PTK7: variants seen among roughly 807,000 people sequenced by gnomAD.
PTK7 encodes protein tyrosine kinase 7 (inactive), also known as inactive tyrosine-protein kinase 7.
PTK7 carries 39 observed loss-of-function variants against 116.6 expected under a neutral mutation model. The observed-to-expected ratio is 0.33, with a 90% CI of 0.26 to 0.44. The LOEUF is 0.44. PTK7 is among the 20% of genes least tolerant of loss of function. The pLI is 1.00. For synonymous variants in PTK7, 546 were observed against 563.6 expected (o/e 0.97, Z 0.44); for missense variants, 1,169 against 1,425.6 (o/e 0.82, Z 2.90).
chr6:43,081,415 G>A (rs974708829), intron 1 of PTK7, among the ~76,000 whole-genome samples: 66 of 151,568 alleles, frequency 4.4e-4, no homozygotes, highest in African/African-American at 1.5e-3. Context: ...GTTTGTTTTT[G>A]TTTTTTTTGA....
At chr6:43,123,717 A>C (rs1769104506) in intron 1 of PTK7, among the ~76,000 whole-genome samples, 1 of 152,168 alleles carries the variant, frequency 6.6e-6, no homozygotes, top group East Asian at 1.9e-4. Context: ...GGGTGTTTGC[A>C]GCTCCGGCTT....
At chr6:43,084,816 A>C (rs1006836776) in intron 1 of PTK7, among the ~76,000 whole-genome samples, 8 of 152,194 alleles carry the variant, frequency 5.3e-5, no homozygotes, top group Non-Finnish European at 8.8e-5. Context: ...AGAGGAGAGA[A>C]GACCCTACAT....
Position 43,160,129 on chromosome 6 carries a change from C to G in PTK7, c.3052+163C>G. The G allele has an allele frequency of 3.8e-6, 3 of 779,456 alleles. 1 individual carries two copies. Among genetic ancestry groups the G allele is most frequent in the Non-Finnish European group, 6.0e-6 (3 of 502,170 alleles). The allele number at this position is 779,456 out of a possible 1,614,324, so 48.3% of individuals were successfully genotyped here. ...TAAAATACTGCAATACTTTGTTTTT[C>G]TTTTGAGACGGAGTGTCGCCCTGTC... On this transcript the variant is annotated intron_variant, in intron 19 of 19. Coordinates refer to ENST00000230419, the MANE Select transcript of PTK7 (RefSeq NM_002821.5).
intron 7 of PTK7, among the ~76,000 whole-genome samples, chr6:43,137,490 C>T (rs1337547885): frequency 6.6e-6 from 1 of 152,134 alleles, no homozygotes; most frequent in Non-Finnish European, 1.5e-5. Context: ...TGGGGGAAGT[C>T]AGGTGTTCTC....
intron 1 of PTK7, among the ~76,000 whole-genome samples, chr6:43,109,264 C>T (rs1186949402): frequency 2.0e-5 from 3 of 152,102 alleles, no homozygotes; most frequent in African/African-American, 7.2e-5. Context: ...TGAACTTGAA[C>T]TCCGGGGCTC....
intron 1 of PTK7, among the ~76,000 whole-genome samples, chr6:43,094,573 T>G (rs1582076759): frequency 6.6e-6 from 1 of 151,834 alleles, no homozygotes; most frequent in East Asian, 2.0e-4. Flanking sequence ...CACGCCATTC[T>G]CCTGCCTCAG....
rs1443494130 is a variant in PTK7, at chr6:43,161,529, C to T, written c.*648C>T. ...CCGCCCTTTTTGTATGCACCACGGGCGGCTTTTATATGTAATTGCAGCGTG... is the reference window on the plus strand; with the variant it reads ...CCGCCCTTTTTGTATGCACCACGGGTGGCTTTTATATGTAATTGCAGCGTG... On this transcript the variant is annotated 3_prime_UTR_variant, in exon 20 of 20. Transcript: ENST00000230419. 1 of 110,152 alleles carries T rather than the reference C, an allele frequency of 9.1e-6. No homozygotes were observed. The highest frequency in any genetic ancestry group is 1.7e-5 in the Non-Finnish European group (1 of 58,380). 6.8% of individuals were successfully genotyped at this position (110,152 alleles called of 1,614,324 possible).
chr6:43,089,982 T>C (rs1253818819), intron 1 of PTK7, among the ~76,000 whole-genome samples: 1 of 152,226 alleles, frequency 6.6e-6, no homozygotes, highest in Non-Finnish European at 1.5e-5. Flanking sequence ...CTCCTGTGTC[T>C]TTCCTTACCC....
chr6:43,103,552 C>T (rs3805936), intron 1 of PTK7, among the ~76,000 whole-genome samples: 16,427 of 152,010 alleles, frequency 0.11, 1,407 homozygotes, highest in East Asian at 0.32. Context: ...GAGGAAGGAT[C>T]GGAGTCAAAT....
chr6:43,139,488 A>G lies in PTK7; in HGVS notation c.1581A>G (p.Thr527=), dbSNP rs1770257231. ...AGGCCACGGTGCCCTGTTCAGCCAC[A>G]GGCCGAGAGAAGCCCACTATTAAGT... ...DKEATVPCSA[T]GREKPTIKWE... is the part of the protein sequence containing the mutation. Residue 527 remains threonine, a synonymous_variant, in exon 10 of 20, where the codon ACA becomes ACG. Coordinates refer to ENST00000230419, the MANE Select transcript of PTK7 (RefSeq NM_002821.5). This position sits in a 1 kb window ranked among gnomAD's most constrained non-coding sequence, Gnocchi z 4.6. 3.1e-6 allele frequency: 5 copies of G among 1,614,236 alleles called. No individual in the cohort carries two copies. The highest frequency in any genetic ancestry group is 3.4e-6 in the Non-Finnish European group (4 of 1,180,034).
chr6:43,110,212 G>T (rs113173487), intron 1 of PTK7, among the ~76,000 whole-genome samples: 65 of 151,536 alleles, frequency 4.3e-4, no homozygotes, highest in African/African-American at 1.5e-3. Flanking sequence ...GGCTGGTCTC[G>T]AACTCTTGAC....
rs1192995845 is a variant in PTK7, at chr6:43,141,734, G to A, written c.1685G>A (p.Arg562Gln). 2 of 1,613,980 alleles carry A rather than the reference G, an allele frequency of 1.2e-6. No homozygotes were observed. Among genetic ancestry groups the A allele is most frequent in the African/African-American group, 1.3e-5 (1 of 74,884 alleles). ...ACCCTGCATTTTGCCCGGGTGACTC[G>A]AGATGACGCTGGCAACTACACTTGC... ...AGTLHFARVTRDDAGNYTCIA... is the reference protein window; with the variant it reads ...AGTLHFARVTQDDAGNYTCIA... The change falls in exon 11 of 20, where the codon CGA (arginine) becomes CAA (glutamine). Residue 562 changes from arginine to glutamine, a missense_variant. This residue lies in a region of PTK7 where 678 missense variants were observed against 853.8 expected (regional missense o/e 0.79). Coordinates refer to ENST00000230419, the MANE Select transcript of PTK7 (RefSeq NM_002821.5). This position sits in a 1 kb window ranked among gnomAD's most constrained non-coding sequence, Gnocchi z 4.9.
chr6:43,139,577 G>T lies in PTK7; in HGVS notation c.1618+52G>T. The T allele has an allele frequency of 6.2e-7, 1 of 1,606,950 alleles. No individual in the cohort carries two copies. Among genetic ancestry groups the T allele is most frequent in the Non-Finnish European group, 8.5e-7 (1 of 1,176,702 alleles). ...GGGCAGGCAGGCAGTTCACTGATCA[G>T]ATACATACCTGAGGGCTGCTGGGTG... On this transcript the variant is annotated intron_variant, in intron 10 of 19. Coordinates refer to ENST00000230419, the MANE Select transcript of PTK7 (RefSeq NM_002821.5). This position sits in a 1 kb window ranked among gnomAD's most constrained non-coding sequence, Gnocchi z 4.6.
At chr6:43,152,514 G>A (rs1371833502) in intron 17 of PTK7, among the ~76,000 whole-genome samples, 1 of 152,228 alleles carries the variant, frequency 6.6e-6, no homozygotes. Flanking sequence ...GCGACAGAGT[G>A]AGACTCCGTC....
At chr6:43,108,169 A>G (rs1393564567) in intron 1 of PTK7, among the ~76,000 whole-genome samples, 3 of 145,496 alleles carry the variant, frequency 2.1e-5, no homozygotes, top group Non-Finnish European at 3.0e-5. Flanking sequence ...ATCTTGGCTC[A>G]CTGCAACCTC....
At chr6:43,098,510 C>T (rs563470151) in intron 1 of PTK7, among the ~76,000 whole-genome samples, 1 of 152,126 alleles carries the variant, frequency 6.6e-6, no homozygotes, top group South Asian at 2.1e-4. Flanking sequence ...CGCCTGCCAC[C>T]ATGCCTGGCT....
In PTK7 at chr6:43,138,920, C is replaced by G. The variant is rs747822377; in HGVS notation, c.1300C>G (p.Leu434Val). The stretch of plus-strand genomic sequence containing the variant: ...GGGCAAACCCGGCTACTTGGATTGC[C>G]TGACCCAGGCCACACCAAAACCTAC... ...EEGKPGYLDC[L>V]TQATPKPTVV... is the part of the protein sequence containing the mutation. The change falls in exon 8 of 20, where the codon CTG becomes GTG. Residue 434 changes from leucine (L) to valine (V), a missense_variant. Leu to Val is a conservative substitution (Grantham distance 32). This residue lies in a region of PTK7 where 678 missense variants were observed against 853.8 expected (regional missense o/e 0.79). Transcript: ENST00000230419. 1.2e-6 allele frequency: 2 copies of G among 1,614,190 alleles called. No homozygotes were observed. The highest frequency in any genetic ancestry group is 2.2e-5 in the East Asian group (1 of 44,886).
intron 7 of PTK7, among the ~76,000 whole-genome samples, chr6:43,136,652 C>T (rs1408718372): frequency 6.6e-6 from 1 of 152,118 alleles, no homozygotes; most frequent in Non-Finnish European, 1.5e-5. Flanking sequence ...GCAGTACTAC[C>T]ACTGTGTTCT....
At chr6:43,097,154 C>T (rs1767311300) in intron 1 of PTK7, among the ~76,000 whole-genome samples, 1 of 152,190 alleles carries the variant, frequency 6.6e-6, no homozygotes, top group African/African-American at 2.4e-5. Flanking sequence ...GCATTTCTTC[C>T]TCTCCAGGGA....
Sources: gnomAD v4.1 joint callset for allele counts (sites outside exome capture counted in the v4.1 genomes callset) on GRCh38, gnomAD v4.1.1 for gene constraint, gnomAD v4.1.1 regional missense constraint, Gnocchi (gnomAD v3.1) non-coding constraint, MANE v1.5 for transcripts, NCBI Gene and HGNC (gene_info 2026-07-23, HGNC 2026-07-21) for gene names.